Variants in VPS13B observed in about 807,000 individuals in gnomAD.
VPS13B encodes intermembrane lipid transfer protein VPS13B.
VPS13B carries 285 observed loss-of-function variants against 426.4 expected under a neutral mutation model. The ratio of observed to expected loss-of-function variants is 0.67; its 90% CI spans 0.61 to 0.74. The LOEUF (loss-of-function observed/expected upper bound fraction) is 0.74. Among genes scored for constraint, VPS13B ranks in the 30% least tolerant of loss-of-function variants. The pLI is 0.00. For missense variants in VPS13B, 4,537 were observed against 4,782.6 expected (o/e 0.95, Z 1.51); for synonymous variants, 1,676 against 1,676.4 (o/e 1.00, Z 0.01).
At chr8:99,592,432 G>A (rs937040105) in intron 33 of VPS13B, among the ~76,000 whole-genome samples, 2 of 151,990 alleles carry the variant, frequency 1.3e-5, no homozygotes, top group African/African-American at 4.8e-5. Flanking sequence ...TTCTGCTCTG[G>A]TTTCTCCCCA....
chr8:99,520,759 AT>A (rs887303910), intron 29 of VPS13B, 139 bp from the exon 30 acceptor site: 11 of 636,368 alleles, frequency 1.7e-5, no homozygotes, highest in African/African-American at 5.6e-5. Flanking sequence ...TTTAAACATG[AT>A]TTTTTTTCAT....
intron 39 of VPS13B, among the ~76,000 whole-genome samples, chr8:99,752,078 G>A (rs1371579095): frequency 6.6e-6 from 1 of 152,104 alleles, no homozygotes; most frequent in Non-Finnish European, 1.5e-5. Flanking sequence ...TGGGTTTGTG[G>A]CATGCGCCTG....
intron 17 of VPS13B, among the ~76,000 whole-genome samples, chr8:99,257,571 CA>C (rs1817818304): frequency 6.6e-6 from 1 of 152,150 alleles, no homozygotes; most frequent in Non-Finnish European, 1.5e-5. Context: ...TACACACACA[CA>C]CACACACACA....
intron 19 of VPS13B, chr8:99,341,613 T>G (rs1212594036): frequency 5.1e-6 from 1 of 196,346 alleles, no homozygotes; most frequent in Non-Finnish European, 1.1e-5. Context: ...TGCCAATTCA[T>G]GCTGTCATCC....
rs190288261 is a variant in VPS13B at position 99,696,597 on chromosome 8, A to C, written c.6047-2928A>C. 1.1e-3 allele frequency: 687 copies of C among 609,546 alleles called. 11 individuals carry two copies. The East Asian group carries it at 0.021, about 19-fold the overall frequency. 37.8% of individuals were successfully genotyped at this position (609,546 alleles called of 1,614,324 possible). A position where few individuals can be genotyped will look rare whatever the true frequency, so the allele number is the denominator to read the frequency against. ...ATCCACGTTTGAGACCCAGTCCATC[A>C]AGGAGGAGAGCCTGAAGGAGCTTCG... On this transcript the variant is annotated intron_variant, in intron 35 of 61. Transcript: ENST00000357162.
intron 30 of VPS13B, chr8:99,527,771 G>GAACATTATAAATAA (rs1563777504): frequency 6.6e-6 from 1 of 152,086 alleles, no homozygotes; most frequent in African/African-American, 2.4e-5. Context: ...AAACAAACGA[G>GAACATTATAAATAA]ATGAAAATAT....
At chr8:99,544,870 A>G (rs1387186187) in intron 30 of VPS13B, among the ~76,000 whole-genome samples, 2 of 152,152 alleles carry the variant, frequency 1.3e-5, no homozygotes, top group Admixed American at 1.3e-4. Flanking sequence ...ACTTTTTTAT[A>G]TATTCCCTCC....
At chr8:99,154,342 G>T (rs1588093717) in intron 14 of VPS13B, among the ~76,000 whole-genome samples, 1 of 151,600 alleles carries the variant, frequency 6.6e-6, no homozygotes, top group East Asian at 1.9e-4. Flanking sequence ...TTTTATAGTT[G>T]TTCCACAGTT....
chr8:99,634,094 G>T (rs1828973694), intron 33 of VPS13B, among the ~76,000 whole-genome samples: 1 of 151,882 alleles, frequency 6.6e-6, no homozygotes, highest in Non-Finnish European at 1.5e-5. Context: ...AGCTTATGCT[G>T]TGAAATCATA....
intron 44 of VPS13B, among the ~76,000 whole-genome samples, chr8:99,811,922 A>G (rs1446367689): frequency 1.3e-5 from 2 of 152,108 alleles, no homozygotes; most frequent in African/African-American, 4.8e-5. Flanking sequence ...AATTACTCTA[A>G]TGAAATGTTA....
At chr8:99,585,299 CA>C (rs1396261507) in intron 33 of VPS13B, among the ~76,000 whole-genome samples, 1 of 152,104 alleles carries the variant, frequency 6.6e-6, no homozygotes, top group African/African-American at 2.4e-5. Flanking sequence ...AATGGTATGA[CA>C]TAGAAGAAAT....
chr8:99,164,637 C>T (rs1367668189), intron 15 of VPS13B, among the ~76,000 whole-genome samples: 1 of 152,134 alleles, frequency 6.6e-6, no homozygotes, highest in East Asian at 1.9e-4. Flanking sequence ...TAGAAATTTA[C>T]CCTGGCTTTT....
intron 16 of VPS13B, among the ~76,000 whole-genome samples, chr8:99,173,996 G>C (rs577734866): frequency 1.3e-5 from 2 of 152,306 alleles, no homozygotes; most frequent in South Asian, 4.1e-4. Context: ...TTGTGCAGTA[G>C]TGCCACCATT....
In VPS13B at chr8:99,378,134, GCC is replaced by G. The variant is rs57177303; in HGVS notation, c.2825-6063_2825-6062del. ...ACACCCCCAGAGCGGCCATTTTAGA[GCC>G]CCCCCCCCCCGGAATGCATTCTTTT... On this transcript the variant is annotated intron_variant, in intron 19 of 61. Transcript: ENST00000357162. Among the ~76,000 whole-genome samples, 641 of 70,412 alleles carry G rather than the reference GCC, an allele frequency of 9.1e-3. 29 individuals carry two copies. The highest frequency in any genetic ancestry group is 0.014 in the African/African-American group (239 of 16,864). 46.2% of individuals were successfully genotyped at this position (70,412 alleles called of 152,430 possible). A position where few individuals can be genotyped will look rare whatever the true frequency, so the allele number is the denominator to read the frequency against.
chr8:99,799,859 A>G (rs1813034779), intron 43 of VPS13B, among the ~76,000 whole-genome samples: 1 of 152,202 alleles, frequency 6.6e-6, no homozygotes, highest in African/African-American at 2.4e-5. Context: ...ATTGATTTTC[A>G]AACAAACAAA....
intron 37 of VPS13B, among the ~76,000 whole-genome samples, chr8:99,718,655 A>G (rs953741485): frequency 5.3e-5 from 8 of 151,254 alleles, no homozygotes; most frequent in African/African-American, 1.9e-4. Flanking sequence ...TTAAATGTGA[A>G]TTTTTTTCTT....
chr8:99,108,080 T>C (rs1349385919), intron 5 of VPS13B, among the ~76,000 whole-genome samples: 4 of 152,210 alleles, frequency 2.6e-5, no homozygotes, highest in South Asian at 2.1e-4. Context: ...CTCCCACTTA[T>C]AATTGAGAAC....
chr8:99,682,005 A>G (rs963026611), intron 35 of VPS13B, among the ~76,000 whole-genome samples: 1 of 152,202 alleles, frequency 6.6e-6, no homozygotes, highest in Non-Finnish European at 1.5e-5. Flanking sequence ...ACAAAACAAA[A>G]TAAATCTATA....
chr8:99,410,539 T>TTAA (rs1563714573), intron 21 of VPS13B, among the ~76,000 whole-genome samples: 2 of 127,404 alleles, frequency 1.6e-5, no homozygotes, highest in Non-Finnish European at 3.4e-5. Context: ...ACCAGAATTA[T>TTAA]TTATTTATTT....
Sources: gnomAD v4.1 joint callset for allele counts (sites outside exome capture counted in the v4.1 genomes callset) on GRCh38, gnomAD v4.1.1 for gene constraint, MANE v1.5 for transcripts, NCBI Gene and HGNC (gene_info 2026-07-23, HGNC 2026-07-21) for gene names.